DPP6: variants seen among roughly 807,000 people sequenced by gnomAD.
DPP6 encodes the protein dipeptidyl peptidase like 6, also known as A-type potassium channel modulatory protein DPP6.
DPP6 carries 69 observed loss-of-function variants against 122.6 expected under a neutral mutation model. The ratio of observed to expected loss-of-function variants is 0.56; its 90% CI spans 0.46 to 0.69. The LOEUF (loss-of-function observed/expected upper bound fraction) is 0.69. DPP6 is among the 30% of genes least tolerant of loss of function. The pLI, the probability that DPP6 is intolerant of heterozygous loss-of-function variation, is 0.00. For synonymous variants in DPP6, 418 were observed against 433.1 expected (o/e 0.97, Z 0.43); for missense variants, 928 against 1,116.9 (o/e 0.83, Z 2.41).
At chr7:153,886,709 A>G (rs766388957), upstream of DPP6, among the ~76,000 whole-genome samples, 6 of 152,134 alleles carry the variant, frequency 3.9e-5, no homozygotes, top group Non-Finnish European at 8.8e-5. Flanking sequence ...GAGTGCAACC[A>G]TGGAGACGCG....
chr7:154,488,671 T>C (rs1824008605), intron 3 of DPP6, among the ~76,000 whole-genome samples: 2 of 152,012 alleles, frequency 1.3e-5, no homozygotes, highest in African/African-American at 4.8e-5. Context: ...TAGCATCCCG[T>C]GAAAGACAGG....
the DPP6 span, among the ~76,000 whole-genome samples, chr7:153,818,316 G>C: frequency 0.39 from 59,574 of 151,842 alleles, 11,776 homozygotes; most frequent in Admixed American, 0.49. Flanking sequence ...GCTGGATTAA[G>C]CCCTGGAAAT....
intron 1 of DPP6, among the ~76,000 whole-genome samples, chr7:154,066,033 G>A (rs1161563284): frequency 6.7e-6 from 1 of 149,646 alleles, no homozygotes; most frequent in Non-Finnish European, 1.5e-5. Context: ...CCACGGCTAG[G>A]TTCAGATTTG....
chr7:154,373,096 C>A (rs2151124295), intron 1 of DPP6, among the ~76,000 whole-genome samples: 1 of 152,286 alleles, frequency 6.6e-6, no homozygotes, highest in South Asian at 2.1e-4. Context: ...TTCTTCCTCA[C>A]ATTCTTTCAT....
the DPP6 span, among the ~76,000 whole-genome samples, chr7:153,841,527 C>G: frequency 2.0e-5 from 3 of 152,160 alleles, no homozygotes; most frequent in Admixed American, 2.0e-4. Flanking sequence ...AAGGGTATCT[C>G]GGCATTACCA....
intron 5 of DPP6, among the ~76,000 whole-genome samples, chr7:154,635,737 G>A (rs529582625): frequency 1.1e-4 from 16 of 152,232 alleles, no homozygotes; most frequent in East Asian, 7.8e-4. Flanking sequence ...AGGCTTGACC[G>A]GAGATGGGGA....
At chr7:154,000,950 C>T (rs559383975) in intron 1 of DPP6, among the ~76,000 whole-genome samples, 4 of 152,226 alleles carry the variant, frequency 2.6e-5, no homozygotes, top group Non-Finnish European at 4.4e-5. Flanking sequence ...ACCCTAAGGG[C>T]GAGGATAAGG....
chr7:154,260,014 G>A (rs1171448338), intron 1 of DPP6, among the ~76,000 whole-genome samples: 1 of 152,162 alleles, frequency 6.6e-6, no homozygotes, highest in African/African-American at 2.4e-5. Context: ...GTCTCAGAGA[G>A]GGTGGCCAGA....
At chr7:153,769,570 A>G in the DPP6 span, among the ~76,000 whole-genome samples, 2 of 152,212 alleles carry the variant, frequency 1.3e-5, no homozygotes, top group African/African-American at 4.8e-5. Context: ...GAATGTCTCT[A>G]GCTCTGGAAA....
At chr7:153,948,604 CCTCA>C (rs1320477698) in intron 1 of DPP6, among the ~76,000 whole-genome samples, 1 of 123,882 alleles carries the variant, frequency 8.1e-6, no homozygotes, top group Non-Finnish European at 1.7e-5. Flanking sequence ...TCTCTACCTT[CCTCA>C]CTGTTTTTTT....
intron 5 of DPP6, among the ~76,000 whole-genome samples, chr7:154,574,726 G>T (rs1406801383): frequency 1.2e-4 from 17 of 137,830 alleles, no homozygotes; most frequent in African/African-American, 4.3e-4. Flanking sequence ...TGTGTGGGGT[G>T]TACGTGTGTG....
chr7:154,587,441 A>G, intron 5 of DPP6: 1 of 616,536 alleles, frequency 1.6e-6, no homozygotes. Context: ...CCTCCTGTGC[A>G]TCCCACACAG....
At chr7:154,648,695 G>A (rs796732738) in intron 6 of DPP6, among the ~76,000 whole-genome samples, 6 of 152,154 alleles carry the variant, frequency 3.9e-5, no homozygotes, top group African/African-American at 1.4e-4. Flanking sequence ...CAAGGTGGGT[G>A]GATCACAAGG....
chr7:154,482,632 A>G (rs1471269991), intron 3 of DPP6, among the ~76,000 whole-genome samples: 1 of 152,266 alleles, frequency 6.6e-6, no homozygotes, highest in African/African-American at 2.4e-5. Context: ...CATAACCTAT[A>G]CATACATATA....
chr7:153,931,869 C>T (rs538760569), intron 1 of DPP6, among the ~76,000 whole-genome samples: 3 of 152,292 alleles, frequency 2.0e-5, no homozygotes, highest in South Asian at 2.1e-4. Flanking sequence ...TAATTTGCAT[C>T]GCCTGATCAG....
rs1355983687 is a variant in DPP6 at position 154,749,158 on chromosome 7, T to G, written c.884-20259T>G. Among the ~76,000 whole-genome samples, 53 of 132,426 alleles carry G rather than the reference T, an allele frequency of 4.0e-4. 1 individual carries two copies. The highest frequency in any genetic ancestry group is 3.4e-4 in the Non-Finnish European group (21 of 62,528). The allele number at this position is 132,426 out of a possible 152,430, so 86.9% of individuals were successfully genotyped here. On this transcript the variant is annotated intron_variant, in intron 8 of 25. Coordinates refer to ENST00000377770, the MANE Select transcript of DPP6 (RefSeq NM_130797.4). ...GGATGGCGGCTTTACTGAGAGAGGG[T>G]GAGGGAGCATAGGACAGGAGGGAGA...
intron 1 of DPP6, among the ~76,000 whole-genome samples, chr7:154,323,151 AT>A (rs1359916978): frequency 2.8e-4 from 42 of 152,342 alleles, no homozygotes; most frequent in Middle Eastern, 3.4e-3. Flanking sequence ...TTTATAACGT[AT>A]TTAAACATGA....
chr7:154,412,225 G>A (rs777787425), intron 1 of DPP6, among the ~76,000 whole-genome samples: 1 of 152,082 alleles, frequency 6.6e-6, no homozygotes. Flanking sequence ...TGACACGTGG[G>A]AAACAAAAAC....
At chr7:154,809,253 T>TAA (rs34482920) in intron 16 of DPP6, among the ~76,000 whole-genome samples, 67 of 146,522 alleles carry the variant, frequency 4.6e-4, no homozygotes, top group Admixed American at 2.4e-3. Context: ...TTTCTTTTTT[T>TAA]AAAAAAAAAA....
Sources: gnomAD v4.1 joint callset for allele counts (sites outside exome capture counted in the v4.1 genomes callset) on GRCh38, gnomAD v4.1.1 for gene constraint, MANE v1.5 for transcripts, NCBI Gene and HGNC (gene_info 2026-07-23, HGNC 2026-07-21) for gene names.